The following EXOC6 variants were observed in gnomAD, a reference collection of about 807,000 sequenced individuals.
EXOC6 encodes exocyst complex component 6.
In EXOC6, 60 loss-of-function variants were observed where a neutral mutation model predicts 112.5. The observed-to-expected ratio is 0.53, with a 90% CI of 0.43 to 0.66. EXOC6 has a LOEUF of 0.66. Among genes scored for constraint, EXOC6 ranks in the 30% least tolerant of loss-of-function variants. The probability of loss-of-function intolerance (pLI) is 0.00; values close to 1 mark genes in which losing one functional copy is unlikely to be tolerated. For synonymous variants in EXOC6, 295 were observed against 308.0 expected (o/e 0.96, Z 0.44); for missense variants, 855 against 957.1 (o/e 0.89, Z 1.41).
Position 92,908,410 on chromosome 10 carries a change from C to G in EXOC6, c.459-1017C>G, listed in dbSNP as rs189510085. ...ATGTCTCATAGTTTCTATCAACTTA[C>G]TTTGTTTTGCCTTTTTTGTACATTA... On this transcript the variant is annotated intron_variant, in intron 5 of 21. Transcript: ENST00000260762. 2.2e-3 allele frequency among the ~76,000 whole-genome samples: 340 copies of G among 152,142 alleles called. 1 individual carries two copies. Among genetic ancestry groups the G allele is most frequent in the East Asian group, 4.2e-3 (22 of 5,180 alleles).
At chr10:92,947,791 C>A (rs2133994399) in intron 13 of EXOC6, among the ~76,000 whole-genome samples, 1 of 152,252 alleles carries the variant, frequency 6.6e-6, no homozygotes, top group Admixed American at 6.5e-5. Flanking sequence ...TGTAGTCCAG[C>A]TACTTGGGAG....
chr10:92,987,527 C>T, intron 18 of EXOC6: 1 of 500,744 alleles, frequency 2.0e-6, no homozygotes. Context: ...GAGTATATTC[C>T]CTTTTGCTAC....
At chr10:92,875,214 G>A (rs1340547605) in intron 1 of EXOC6, among the ~76,000 whole-genome samples, 1 of 152,076 alleles carries the variant, frequency 6.6e-6, no homozygotes, top group African/African-American at 2.4e-5. Flanking sequence ...TTTGAATTAT[G>A]CACAATGCCA....
At chr10:92,850,658 C>T (rs1280220879) in intron 1 of EXOC6, among the ~76,000 whole-genome samples, 1 of 152,090 alleles carries the variant, frequency 6.6e-6, no homozygotes, top group East Asian at 1.9e-4. Flanking sequence ...CATTCCCTGG[C>T]CAGTCTTGTT....
At chr10:93,012,104 G>A (rs1164554049) in intron 19 of EXOC6, among the ~76,000 whole-genome samples, 2 of 152,122 alleles carry the variant, frequency 1.3e-5, no homozygotes, top group African/African-American at 4.8e-5. Flanking sequence ...TTCTCAAAAG[G>A]TACATGTGCT....
intron 8 of EXOC6, among the ~76,000 whole-genome samples, chr10:92,924,168 T>G (rs1851584370): frequency 6.6e-6 from 1 of 152,160 alleles, no homozygotes; most frequent in Non-Finnish European, 1.5e-5. Context: ...GTAATTGCTT[T>G]TAAGAGAGAG....
At chr10:92,910,604 T>TA (rs559220641) in intron 6 of EXOC6, among the ~76,000 whole-genome samples, 2,217 of 151,522 alleles carry the variant, frequency 0.015, 56 homozygotes, top group African/African-American at 0.051. Flanking sequence ...AAAAAAACTA[T>TA]AAAAAAAATA....
At chr10:92,900,867 C>T (rs1850127116) in intron 5 of EXOC6, 1 of 152,098 alleles carries the variant, frequency 6.6e-6, no homozygotes, top group Admixed American at 6.6e-5. Flanking sequence ...TTTATACTCA[C>T]ATTTTCTCAA....
At chr10:93,054,990 A>T (rs969686257) in intron 20 of EXOC6, among the ~76,000 whole-genome samples, 32 of 152,182 alleles carry the variant, frequency 2.1e-4, no homozygotes, top group Non-Finnish European at 1.9e-4. Context: ...CCACCACATA[A>T]ATGACAATCA....
intron 19 of EXOC6, among the ~76,000 whole-genome samples, chr10:93,003,011 G>A (rs1315744121): frequency 6.6e-6 from 1 of 152,046 alleles, no homozygotes; most frequent in Non-Finnish European, 1.5e-5. Flanking sequence ...ACTCAGATTG[G>A]AAATCATGAG....
intron 1 of EXOC6, among the ~76,000 whole-genome samples, chr10:92,876,617 C>T (rs1848696082): frequency 1.3e-5 from 2 of 152,122 alleles, no homozygotes; most frequent in South Asian, 4.1e-4. Flanking sequence ...ATCGGAATTG[C>T]ACTCAGGAAG....
intron 19 of EXOC6, among the ~76,000 whole-genome samples, chr10:93,005,996 C>CA (rs200578023): frequency 0.016 from 2,452 of 151,512 alleles, 59 homozygotes; most frequent in African/African-American, 0.053. Context: ...TTCATCTCTG[C>CA]AAAAAAAATT....
chr10:92,955,444 A>G lies in EXOC6; in HGVS notation c.1639-136A>G, dbSNP rs926795596. 8 of 638,948 alleles carry G rather than the reference A, an allele frequency of 1.3e-5. No homozygotes were observed. The African/African-American group carries it at 1.5e-4, about 12-fold the overall frequency. 39.6% of individuals were successfully genotyped at this position (638,948 alleles called of 1,614,324 possible). A position where few individuals can be genotyped will look rare whatever the true frequency, so the allele number is the denominator to read the frequency against. ...GTATTTGCAACAGGCTTTTAAAATC[A>G]GATAGTTGTATCCTATAATGCTGCA... On this transcript the variant is annotated intron_variant, in intron 16 of 21. Coordinates refer to ENST00000260762, the MANE Select transcript of EXOC6 (RefSeq NM_019053.6).
chr10:93,014,170 C>CTT (rs147232343), intron 19 of EXOC6, 24 bp from the exon 20 acceptor site: 157 of 1,556,650 alleles, frequency 1.0e-4, no homozygotes, highest in Admixed American at 3.0e-4. Flanking sequence ...CATTTTTATT[C>CTT]TTTTTTTTTC....
upstream of EXOC6, among the ~76,000 whole-genome samples, chr10:92,846,222 G>C (rs1847049359): frequency 6.6e-6 from 1 of 152,242 alleles, no homozygotes; most frequent in South Asian, 2.1e-4. Context: ...TCCCAGAGCA[G>C]GGGCACTTGG....
intron 1 of EXOC6, among the ~76,000 whole-genome samples, chr10:92,879,801 C>T (rs1422638670): frequency 1.3e-5 from 2 of 152,052 alleles, no homozygotes; most frequent in Non-Finnish European, 2.9e-5. Flanking sequence ...TATTTGAATG[C>T]CTGTTGTATG....
chr10:92,918,481 C>CTGTAACCTCAAACTCTT, intron 7 of EXOC6, among the ~76,000 whole-genome samples: 1 of 151,158 alleles, frequency 6.6e-6, no homozygotes. Context: ...TTGGCATAAT[C>CTGTAACCTCAAACTCTT]ATGGCTTACT....
At chr10:92,990,708 C>A (rs1233994448) in intron 18 of EXOC6, among the ~76,000 whole-genome samples, 1 of 151,926 alleles carries the variant, frequency 6.6e-6, no homozygotes, top group African/African-American at 2.4e-5. Context: ...GGTTTATTGC[C>A]CCTGTCAACC....
chr10:92,896,190 T>A (rs34599452), intron 4 of EXOC6, among the ~76,000 whole-genome samples: 17 of 15,282 alleles, frequency 1.1e-3, no homozygotes, highest in Non-Finnish European at 1.2e-3. Flanking sequence ...TATTTTTTTT[T>A]TTTTTTTTTT....
Sources: gnomAD v4.1 joint callset for allele counts (sites outside exome capture counted in the v4.1 genomes callset) on GRCh38, gnomAD v4.1.1 for gene constraint, MANE v1.5 for transcripts, NCBI Gene and HGNC (gene_info 2026-07-23, HGNC 2026-07-21) for gene names.